Variants in PPP6R2 observed in about 807,000 individuals in gnomAD.
PPP6R2 encodes the protein protein phosphatase 6 regulatory subunit 2.
PPP6R2 carries 62 observed loss-of-function variants against 100.2 expected under a neutral mutation model. That is an observed-to-expected ratio of 0.62 (90% CI 0.50 to 0.76). PPP6R2 has a LOEUF of 0.76. Ranked by LOEUF, PPP6R2 falls within the 30% of genes least tolerant of loss-of-function variation. The pLI, the probability that PPP6R2 is intolerant of heterozygous loss-of-function variation, is 0.00. For missense variants in PPP6R2, 1,142 were observed against 1,276.3 expected (o/e 0.89, Z 1.60); for synonymous variants, 525 against 514.7 (o/e 1.02, Z -0.27).
chr22:50,415,600 T>C (rs1427019926), intron 5 of PPP6R2, among the ~76,000 whole-genome samples: 1 of 152,258 alleles, frequency 6.6e-6, no homozygotes, highest in Admixed American at 6.5e-5. Flanking sequence ...TGCGGTGCGG[T>C]AGCCAGGTAC....
At chr22:50,405,951 G>A (rs112524580) in intron 3 of PPP6R2, among the ~76,000 whole-genome samples, 2 of 139,110 alleles carry the variant, frequency 1.4e-5, no homozygotes, top group South Asian at 2.5e-4. Context: ...GGAGAGAGGT[G>A]AGAGGCCTGG....
intron 12 of PPP6R2, among the ~76,000 whole-genome samples, chr22:50,434,565 C>T (rs370778192): frequency 6.1e-4 from 45 of 73,446 alleles, no homozygotes; most frequent in East Asian, 1.6e-3. Context: ...GGGCATTTGC[C>T]CTGGAGGTGA....
intron 1 of PPP6R2, among the ~76,000 whole-genome samples, chr22:50,358,257 CTGTT>C (rs765581512): frequency 8.5e-5 from 13 of 152,160 alleles, no homozygotes; most frequent in East Asian, 3.8e-4. Context: ...TACCCAGCTC[CTGTT>C]TGTTTATTTT....
rs371429752 is a variant in PPP6R2 at position 50,393,898 on chromosome 22, C to T, written c.-11C>T. On this transcript the variant is annotated 5_prime_UTR_variant, in exon 3 of 24. Transcript: ENST00000612753. ...CCCTTTGCCCTCGTTTGCAGCTCTG[C>T]GGCCGTCACGATGTTCTGGAAGTTT... is the stretch of plus-strand genomic sequence containing the variant. 44 of 1,613,646 alleles carry T rather than the reference C, an allele frequency of 2.7e-5. No homozygotes were observed. The highest frequency in any genetic ancestry group is 3.3e-4 in the Middle Eastern group (2 of 6,084).
At chr22:50,398,618 C>T (rs2057514720) in intron 3 of PPP6R2, among the ~76,000 whole-genome samples, 1 of 150,684 alleles carries the variant, frequency 6.6e-6, no homozygotes, top group African/African-American at 2.4e-5. Context: ...TGGGTTCAAG[C>T]AGTTCTCCTA....
At chr22:50,357,851 C>T (rs995073781) in intron 1 of PPP6R2, among the ~76,000 whole-genome samples, 9 of 152,134 alleles carry the variant, frequency 5.9e-5, no homozygotes, top group Admixed American at 2.0e-4. Flanking sequence ...GTCTTTAACT[C>T]CTGACCTCGT....
intron 1 of PPP6R2, among the ~76,000 whole-genome samples, chr22:50,367,599 G>A (rs2049023407): frequency 6.6e-6 from 1 of 152,174 alleles, no homozygotes. Context: ...ATGAAAAAGG[G>A]AGGGAAGGAC....
At chr22:50,349,320 C>A (rs980362721) in intron 1 of PPP6R2, among the ~76,000 whole-genome samples, 2 of 145,242 alleles carry the variant, frequency 1.4e-5, no homozygotes, top group Admixed American at 7.0e-5. Context: ...GCTGTGATCA[C>A]TCCATTGCAC....
At chr22:50,376,459 T>C (rs1479513083) in intron 2 of PPP6R2, among the ~76,000 whole-genome samples, 2 of 152,134 alleles carry the variant, frequency 1.3e-5, no homozygotes, top group African/African-American at 4.8e-5. Flanking sequence ...CTCTGTCGCC[T>C]AGGCTGGAGT....
At chr22:50,424,990 A>G (rs1040993631) in intron 10 of PPP6R2, among the ~76,000 whole-genome samples, 6 of 152,136 alleles carry the variant, frequency 3.9e-5, no homozygotes, top group African/African-American at 1.4e-4. Flanking sequence ...CCTCTCTTTT[A>G]TATTTACTGT....
Position 50,423,354 on chromosome 22 carries a change from T to C in PPP6R2, c.973-108T>C. ...GAGGAACCCCCACCACATACCTCGC[T>C]ACCCCAGGCTGGGTCCCAGCCTAGA... On this transcript the variant is annotated intron_variant, in intron 9 of 23. Coordinates refer to ENST00000612753, the MANE Select transcript of PPP6R2 (RefSeq NM_001242898.2). This position sits in a 1 kb window ranked among gnomAD's most constrained non-coding sequence, Gnocchi z 4.8. 7.1e-7 allele frequency: 1 copy of C among 1,406,314 alleles called. No individual in the cohort carries two copies. Among genetic ancestry groups the C allele is most frequent in the Non-Finnish European group, 9.8e-7 (1 of 1,025,404 alleles). 87.1% of individuals were successfully genotyped at this position (1,406,314 alleles called of 1,614,324 possible). A position where few individuals can be genotyped will look rare whatever the true frequency, so the allele number is the denominator to read the frequency against.
intron 7 of PPP6R2, 154 bp from the exon 8 acceptor site, chr22:50,419,195 C>A: frequency 1.4e-6 from 1 of 737,514 alleles, no homozygotes; most frequent in Non-Finnish European, 2.3e-6. Context: ...GGGCCAGCAG[C>A]AGCAGGAGTG....
chr22:50,417,673 G>A (rs537171634), intron 6 of PPP6R2, among the ~76,000 whole-genome samples: 1 of 151,960 alleles, frequency 6.6e-6, no homozygotes, highest in South Asian at 2.1e-4. Flanking sequence ...CCACGTTGGC[G>A]TCTGTAGGAA....
intron 1 of PPP6R2, among the ~76,000 whole-genome samples, chr22:50,366,715 C>T (rs2048837601): frequency 6.6e-6 from 1 of 151,874 alleles, no homozygotes; most frequent in Non-Finnish European, 1.5e-5. Context: ...TGTGGATCTT[C>T]AGCATTTGCT....
chr22:50,352,342 C>T (rs1290457242), intron 1 of PPP6R2, among the ~76,000 whole-genome samples: 8 of 152,210 alleles, frequency 5.3e-5, no homozygotes, highest in Non-Finnish European at 7.3e-5. Context: ...TCTGCAGCTT[C>T]GTCATCTCTG....
rs1411327873 is a variant in PPP6R2, at chr22:50,437,493, C to A, written c.1684-13C>A. On this transcript the variant is annotated splice_polypyrimidine_tract_variant and intron_variant, in intron 15 of 23. Transcript: ENST00000612753. ...GGTGTCTGTCCGTCCCTCCCTCCCT[C>A]CCTCCCTCCCAGGCCTTCTCTGACT... is the stretch of plus-strand genomic sequence containing the variant. 3 of 948,536 alleles carry A rather than the reference C, an allele frequency of 3.2e-6. No individual in the cohort carries two copies. Among genetic ancestry groups the A allele is most frequent in the Non-Finnish European group, 3.4e-6 (2 of 581,222 alleles). The allele number at this position is 948,536 out of a possible 1,614,324, so 58.8% of individuals were successfully genotyped here.
intron 1 of PPP6R2, among the ~76,000 whole-genome samples, chr22:50,355,968 T>TA (rs1491236414): frequency 1.8e-4 from 15 of 83,734 alleles, no homozygotes; most frequent in African/African-American, 1.4e-3. Context: ...TATTTCCCTC[T>TA]TTTTTTTTTT....
intron 2 of PPP6R2, among the ~76,000 whole-genome samples, chr22:50,380,614 C>T (rs533001411): frequency 2.4e-3 from 361 of 151,712 alleles, no homozygotes; most frequent in Non-Finnish European, 3.4e-3. Context: ...CCACTTTTGC[C>T]TCCCAAAGTG....
At chr22:50,370,753 C>T (rs2148503473) in intron 1 of PPP6R2, among the ~76,000 whole-genome samples, 1 of 152,180 alleles carries the variant, frequency 6.6e-6, no homozygotes, top group Non-Finnish European at 1.5e-5. Context: ...CCTGCCTCAG[C>T]CTCCCGAGTA....
Sources: allele counts gnomAD v4.1 joint callset (sites outside exome capture counted in the v4.1 genomes callset), GRCh38; gene constraint gnomAD v4.1.1; non-coding constraint Gnocchi (gnomAD v3.1); transcripts MANE v1.5; gene names NCBI Gene and HGNC (gene_info 2026-07-23, HGNC 2026-07-21).